CLASP2: variants seen among roughly 807,000 people sequenced by gnomAD.
CLASP2 encodes the protein cytoplasmic linker associated protein 2.
In CLASP2, 47 loss-of-function variants were observed where a neutral mutation model predicts 194.4. That is an observed-to-expected ratio of 0.24 (90% CI 0.19 to 0.31). The LOEUF (loss-of-function observed/expected upper bound fraction) is 0.31, where lower values mean the gene tolerates loss of function less well. CLASP2 is among the 10% of genes least tolerant of loss of function. CLASP2 has a pLI of 1.00. For missense variants in CLASP2, 1,445 were observed against 1,823.6 expected, an observed-to-expected ratio of 0.79 and a Z score of 3.78; for synonymous variants, 619 against 633.5, an observed-to-expected ratio of 0.98 and a Z score of 0.34.
chr3:33,683,101 T>C (rs2090091722), intron 6 of CLASP2: 2 of 152,214 alleles, frequency 1.3e-5, no homozygotes, highest in Non-Finnish European at 2.9e-5. Context: ...AAGGATTTAC[T>C]TGATGAATGA....
chr3:33,585,904 C>T (rs2067256928), intron 21 of CLASP2, among the ~76,000 whole-genome samples: 1 of 152,096 alleles, frequency 6.6e-6, no homozygotes, highest in Non-Finnish European at 1.5e-5. Context: ...TGAGATTTCT[C>T]TGAATGGTAC....
intron 26 of CLASP2, among the ~76,000 whole-genome samples, chr3:33,569,603 A>G (rs897190302): frequency 1.3e-5 from 2 of 152,186 alleles, no homozygotes; most frequent in Non-Finnish European, 2.9e-5. Flanking sequence ...AGAATGGTAT[A>G]GTTATCTACA....
At chr3:33,553,040 T>C (rs774575217) in intron 29 of CLASP2, among the ~76,000 whole-genome samples, 2 of 152,238 alleles carry the variant, frequency 1.3e-5, no homozygotes, top group Admixed American at 6.5e-5. Flanking sequence ...AAGGTTTAAA[T>C]GTATGATTGA....
chr3:33,612,195 T>C, intron 12 of CLASP2, 124 bp from the exon 13 acceptor site: 2 of 633,684 alleles, frequency 3.2e-6, no homozygotes, highest in South Asian at 4.2e-5. Context: ...GATATTAGAT[T>C]TGAAAGAAAT....
At chr3:33,570,695 A>G (rs1406906394) in intron 26 of CLASP2, 32 bp downstream of exon 26, 2 of 1,580,342 alleles carry the variant, frequency 1.3e-6, no homozygotes, top group Admixed American at 1.8e-5. Flanking sequence ...GATACCCTAT[A>G]GAAATAAATA....
chr3:33,712,304 T>C (rs56142451), intron 1 of CLASP2, among the ~76,000 whole-genome samples: 32 of 152,250 alleles, frequency 2.1e-4, no homozygotes, highest in Non-Finnish European at 3.4e-4. Context: ...AGCTAAGCTA[T>C]AAGGAATCAA....
intron 6 of CLASP2, among the ~76,000 whole-genome samples, chr3:33,677,560 G>T (rs1202292336): frequency 8.8e-6 from 1 of 113,982 alleles, no homozygotes; most frequent in Non-Finnish European, 1.8e-5. Context: ...GTTGTGGGGT[G>T]GGGGGAGGGG....
At chr3:33,712,929 GC>G (rs2093089068) in intron 1 of CLASP2, among the ~76,000 whole-genome samples, 1 of 147,396 alleles carries the variant, frequency 6.8e-6, no homozygotes, top group South Asian at 2.1e-4. Flanking sequence ...TTGCACTCCA[GC>G]CTGGGCGACA....
At chr3:33,584,709 A>AG in intron 22 of CLASP2, 41 bp downstream of exon 22, 1 of 1,443,944 alleles carries the variant, frequency 6.9e-7, no homozygotes, top group Non-Finnish European at 9.2e-7. Flanking sequence ...AAAAAAAAAA[A>AG]GGGTTACATG....
chr3:33,651,575 A>G (rs1047519097), intron 7 of CLASP2, among the ~76,000 whole-genome samples: 1 of 151,910 alleles, frequency 6.6e-6, no homozygotes, highest in African/African-American at 2.4e-5. Context: ...AATTTATATT[A>G]ATCACACCTT....
rs2085634378 is a variant in CLASP2, at chr3:33,663,439, T to G, written c.715+6A>C. 2 of 1,610,222 alleles carry G rather than the reference T, an allele frequency of 1.2e-6. No individual in the cohort carries two copies. The highest frequency in any genetic ancestry group is 1.7e-5 in the Admixed American group (1 of 59,830). ...TAGAAATGTTTGAGAGCTTAATTACTCTTACCTTTGCAGACACTCAAAATC... is the reference window on the plus strand; with the variant it reads ...TAGAAATGTTTGAGAGCTTAATTACGCTTACCTTTGCAGACACTCAAAATC... On this transcript the variant is annotated splice_donor_region_variant and intron_variant, in intron 7 of 38. Transcript: ENST00000682230.
intron 18 of CLASP2, among the ~76,000 whole-genome samples, chr3:33,598,221 C>T (rs1025149146): frequency 6.6e-6 from 1 of 151,944 alleles, no homozygotes; most frequent in Non-Finnish European, 1.5e-5. Flanking sequence ...CCATGAGTGC[C>T]CCACCTCTTG....
chr3:33,509,275 C>T (rs1345571333), intron 37 of CLASP2, among the ~76,000 whole-genome samples: 2 of 152,052 alleles, frequency 1.3e-5, no homozygotes, highest in African/African-American at 4.8e-5. Context: ...AGCATCTTTC[C>T]TAACTATCTT....
chr3:33,556,123 CTAAT>C (rs1185269306), intron 29 of CLASP2, among the ~76,000 whole-genome samples: 1 of 152,176 alleles, frequency 6.6e-6, no homozygotes, highest in Non-Finnish European at 1.5e-5. Context: ...TAAAGTATTA[CTAAT>C]TCAAATAAAA....
intron 7 of CLASP2, among the ~76,000 whole-genome samples, chr3:33,646,942 T>C (rs1471067616): frequency 1.3e-5 from 2 of 152,210 alleles, no homozygotes; most frequent in African/African-American, 4.8e-5. Flanking sequence ...AAATGAATCA[T>C]ACAATATGTA....
intron 38 of CLASP2, among the ~76,000 whole-genome samples, chr3:33,501,186 A>G (rs889457085): frequency 2.0e-5 from 3 of 152,352 alleles, no homozygotes. Context: ...ATTAATTTGG[A>G]TAATAGAAAG....
rs2079271082 is a variant in CLASP2 at position 33,632,486 on chromosome 3, T to C, written c.863-115A>G. 1.4e-5 allele frequency: 10 copies of C among 699,056 alleles called. No individual in the cohort carries two copies. In the South Asian group the frequency reaches 2.2e-4, roughly 16 times the overall value. The allele number at this position is 699,056 out of a possible 1,614,324, so 43.3% of individuals were successfully genotyped here. On this transcript the variant is annotated intron_variant, in intron 8 of 38. Transcript: ENST00000682230. ...TCAACAAAAGTATAATTTTAAGGGA[T>C]ATTCCATTTTATAAGAAAGCATTTA...
chr3:33,543,800 G>A (rs2058741632), intron 31 of CLASP2, among the ~76,000 whole-genome samples: 2 of 152,112 alleles, frequency 1.3e-5, no homozygotes, highest in African/African-American at 4.8e-5. Context: ...CTCAAGGATT[G>A]AATGTAATTT....
intron 29 of CLASP2, among the ~76,000 whole-genome samples, chr3:33,552,753 A>G (rs994533610): frequency 1.6e-4 from 25 of 152,192 alleles, no homozygotes; most frequent in Non-Finnish European, 3.2e-4. Context: ...AATCCCAAAT[A>G]TAACACAATA....
Sources: allele counts gnomAD v4.1 joint callset (sites outside exome capture counted in the v4.1 genomes callset), GRCh38; gene constraint gnomAD v4.1.1; transcripts MANE v1.5; gene names NCBI Gene and HGNC (gene_info 2026-07-23, HGNC 2026-07-21).